DCC: variants seen among roughly 807,000 people sequenced by gnomAD.
DCC encodes the protein netrin receptor DCC.
In DCC, 58 loss-of-function variants were observed where a neutral mutation model predicts 172.5. That is an observed-to-expected ratio of 0.34 (90% CI 0.27 to 0.42). The LOEUF is 0.42. Among genes scored for constraint, DCC ranks in the 10% least tolerant of loss-of-function variants. DCC has a pLI of 1.00. For synonymous variants in DCC, 709 were observed against 644.5 expected (o/e 1.10, Z -1.52); for missense variants, 1,740 against 1,791.0 (o/e 0.97, Z 0.51).
intron 2 of DCC, among the ~76,000 whole-genome samples, chr18:52,828,997 T>C (rs1362212152): frequency 1.3e-5 from 2 of 152,224 alleles, no homozygotes; most frequent in Non-Finnish European, 2.9e-5. Flanking sequence ...TAATGAAATA[T>C]GATTTTGTTT....
chr18:52,594,050 TG>T, intron 1 of DCC, among the ~76,000 whole-genome samples: 1 of 152,298 alleles, frequency 6.6e-6, no homozygotes, highest in African/African-American at 2.4e-5. Context: ...GGCAGCTGGC[TG>T]GAAGGAGAAC....
chr18:53,409,905 A>C (rs1339858122), intron 19 of DCC, among the ~76,000 whole-genome samples: 1 of 152,166 alleles, frequency 6.6e-6, no homozygotes, highest in African/African-American at 2.4e-5. Context: ...TTTACCAATC[A>C]GTTTGGGTCA....
intron 1 of DCC, among the ~76,000 whole-genome samples, chr18:52,673,569 C>A (rs1383049660): frequency 1.3e-5 from 2 of 152,102 alleles, no homozygotes; most frequent in African/African-American, 2.4e-5. Flanking sequence ...ACAGTGTTTG[C>A]CAAGTTTCTT....
chr18:52,737,069 G>C (rs1425164983), intron 1 of DCC, among the ~76,000 whole-genome samples: 1 of 152,140 alleles, frequency 6.6e-6, no homozygotes, highest in Admixed American at 6.6e-5. Flanking sequence ...GGGACTTGCT[G>C]TTTATTATTT....
At chr18:52,700,186 G>GCA (rs530238939) in intron 1 of DCC, among the ~76,000 whole-genome samples, 21,760 of 141,700 alleles carry the variant, frequency 0.15, 2,021 homozygotes, top group Middle Eastern at 0.27. Flanking sequence ...ACATGCACAC[G>GCA]CACACACACG....
At chr18:52,938,013 G>A (rs1239499611) in intron 5 of DCC, among the ~76,000 whole-genome samples, 1 of 152,100 alleles carries the variant, frequency 6.6e-6, no homozygotes, top group Admixed American at 6.5e-5. Flanking sequence ...CTCCAGCTCA[G>A]TGCCTAGATA....
At chr18:52,593,931 C>A (rs971785950) in intron 1 of DCC, among the ~76,000 whole-genome samples, 10 of 152,180 alleles carry the variant, frequency 6.6e-5, no homozygotes, top group Non-Finnish European at 1.0e-4. Flanking sequence ...TATAAACACA[C>A]AGAAGTTCCT....
intron 7 of DCC, among the ~76,000 whole-genome samples, chr18:53,100,195 A>G (rs1049433234): frequency 6.6e-6 from 1 of 151,574 alleles, no homozygotes; most frequent in Non-Finnish European, 1.5e-5. Flanking sequence ...TGATCCACCT[A>G]CCTCAGACTC....
At chr18:53,427,931 T>A (rs376980800) in intron 21 of DCC, among the ~76,000 whole-genome samples, 50 of 60,082 alleles carry the variant, frequency 8.3e-4, no homozygotes, top group Non-Finnish European at 1.5e-3. Flanking sequence ...ATATATAATA[T>A]AATATAATAT....
chr18:53,293,905 C>A (rs1462997026), intron 12 of DCC, among the ~76,000 whole-genome samples: 1 of 152,166 alleles, frequency 6.6e-6, no homozygotes. Flanking sequence ...TTAGTCTCCA[C>A]TGGGCTTCCT....
intron 16 of DCC, among the ~76,000 whole-genome samples, chr18:53,389,600 A>G (rs1324980949): frequency 6.6e-6 from 1 of 152,216 alleles, no homozygotes; most frequent in Non-Finnish European, 1.5e-5. Flanking sequence ...AGTGTCAAGA[A>G]GGATGACAAG....
rs560220835 is a variant in DCC at position 53,399,591 on chromosome 18, A to G, written c.2827+2145A>G. 7.9e-5 allele frequency among the ~76,000 whole-genome samples: 12 copies of G among 152,246 alleles called. No individual in the cohort carries two copies. The South Asian group carries it at 2.5e-3, about 32-fold the overall frequency. On this transcript the variant is annotated intron_variant, in intron 18 of 28. Transcript: ENST00000442544. ...GTACTTAATAAAGAAATGGAAGTAT[A>G]GGAAAAAATGAGAGCCAAAGAAATC...
intron 1 of DCC, among the ~76,000 whole-genome samples, chr18:52,477,856 C>T (rs76848861): frequency 0.061 from 9,302 of 152,180 alleles, 351 homozygotes; most frequent in East Asian, 0.082. Flanking sequence ...ACTTTGTTCC[C>T]AGGCTGGCAG....
intron 2 of DCC, among the ~76,000 whole-genome samples, chr18:52,817,041 G>A (rs994578346): frequency 6.6e-6 from 1 of 151,802 alleles, no homozygotes; most frequent in Non-Finnish European, 1.5e-5. Flanking sequence ...CGCTAAAATT[G>A]GAAATAATGT....
At chr18:52,979,620 AAAG>A in intron 5 of DCC, among the ~76,000 whole-genome samples, 1 of 152,308 alleles carries the variant, frequency 6.6e-6, no homozygotes, top group East Asian at 1.9e-4. Flanking sequence ...CCCCTCAGTC[AAAG>A]AATAGCAAAT....
intron 2 of DCC, among the ~76,000 whole-genome samples, chr18:52,753,501 G>T (rs1173075258): frequency 6.6e-6 from 1 of 152,188 alleles, no homozygotes; most frequent in East Asian, 1.9e-4. Flanking sequence ...TTCATTAAAT[G>T]CTAAACTTTT....
chr18:53,011,019 T>C (rs574399110), intron 5 of DCC, among the ~76,000 whole-genome samples: 18 of 151,500 alleles, frequency 1.2e-4, no homozygotes, highest in South Asian at 6.3e-4. Flanking sequence ...ACATTACAAA[T>C]GCAAATTTAA....
In DCC at chr18:53,429,021, T is replaced by TTTTTATATAATATATA. The variant is rs1911380488; in HGVS notation, c.3164-6113_3164-6098dup. 1.7e-4 allele frequency among the ~76,000 whole-genome samples: 4 copies of TTTTTATATAATATATA among 23,092 alleles called. 1 individual carries two copies. The highest frequency in any genetic ancestry group is 2.7e-3 in the South Asian group (2 of 748). The allele number at this position is 23,092 out of a possible 152,430, so 15.1% of individuals were successfully genotyped here. On this transcript the variant is annotated intron_variant, in intron 21 of 28. Transcript: ENST00000442544. ...TTTATATAATATATATTTTATATAT[T>TTTTTATATAATATATA]TTTTATATAATATATATTTTATATA...
At chr18:53,192,165 A>G (rs185978035) in intron 9 of DCC, among the ~76,000 whole-genome samples, 189 of 152,326 alleles carry the variant, frequency 1.2e-3, no homozygotes, top group African/African-American at 3.9e-3. Context: ...GTGATTATCA[A>G]TCTTTCCATT....
Sources: gnomAD v4.1 joint callset for allele counts (sites outside exome capture counted in the v4.1 genomes callset) on GRCh38, gnomAD v4.1.1 for gene constraint, MANE v1.5 for transcripts, NCBI Gene and HGNC (gene_info 2026-07-23, HGNC 2026-07-21) for gene names.